Variants in TTC28 observed in about 807,000 individuals in gnomAD.
TTC28 encodes tetratricopeptide repeat protein 28.
In TTC28, 61 loss-of-function variants were observed where a neutral mutation model predicts 198.0. That is an observed-to-expected ratio of 0.31 (90% CI 0.25 to 0.38). TTC28 has a LOEUF of 0.38. Among genes scored for constraint, TTC28 ranks in the 10% least tolerant of loss-of-function variants. TTC28 has a pLI of 1.00. For synonymous variants in TTC28, 1,171 were observed against 1,297.8 expected (o/e 0.90, Z 2.10); for missense variants, 2,678 against 3,164.0 (o/e 0.85, Z 3.69).
At chr22:28,532,902 G>A (rs548348599) in intron 2 of TTC28, among the ~76,000 whole-genome samples, 4 of 152,114 alleles carry the variant, frequency 2.6e-5, no homozygotes, top group Middle Eastern at 3.2e-3. Flanking sequence ...TTGATGGGAC[G>A]TATCTCAAAA....
At chr22:28,221,812 C>A (rs920032202) in intron 5 of TTC28, among the ~76,000 whole-genome samples, 2 of 152,196 alleles carry the variant, frequency 1.3e-5, no homozygotes, top group Non-Finnish European at 2.9e-5. Flanking sequence ...GTCCAGACCT[C>A]TACTGTGGCA....
chr22:28,137,425 A>G lies in TTC28; in HGVS notation c.1441+25667T>C, dbSNP rs200995158. Among the ~76,000 whole-genome samples the G allele has an allele frequency of 2.6e-5, 4 of 152,136 alleles. No individual in the cohort carries two copies. In the East Asian group the frequency reaches 7.7e-4, roughly 29 times the overall value. ...TCTCGCTTCTCAGAAGCGTACAGGTAGCAGACCAGCAAGTTAACTACATAA... is the reference window on the plus strand; with the variant it reads ...TCTCGCTTCTCAGAAGCGTACAGGTGGCAGACCAGCAAGTTAACTACATAA... On this transcript the variant is annotated intron_variant, in intron 6 of 22. Coordinates refer to ENST00000397906, the MANE Select transcript of TTC28 (RefSeq NM_001145418.2).
chr22:28,310,201 G>T (rs915960329), intron 2 of TTC28, among the ~76,000 whole-genome samples: 2 of 150,440 alleles, frequency 1.3e-5, no homozygotes, highest in African/African-American at 4.9e-5. Context: ...CACCCTCAAG[G>T]TGCTCACAGT....
intron 12 of TTC28, among the ~76,000 whole-genome samples, chr22:28,079,122 G>A (rs1398799113): frequency 6.6e-6 from 1 of 152,178 alleles, no homozygotes. Flanking sequence ...ACACTTAAGT[G>A]TGTTTGGGGA....
chr22:28,017,518 C>A (rs771233289), intron 13 of TTC28, among the ~76,000 whole-genome samples: 2 of 151,820 alleles, frequency 1.3e-5, no homozygotes, highest in Admixed American at 6.5e-5. Context: ...CCTGCCTGGA[C>A]AAAGTGGAGG....
chr22:28,080,216 G>A (rs912356956), intron 12 of TTC28, among the ~76,000 whole-genome samples: 3 of 152,090 alleles, frequency 2.0e-5, no homozygotes, highest in Admixed American at 6.5e-5. Context: ...CCCAGAAATG[G>A]GATTGTTGCA....
intron 1 of TTC28, among the ~76,000 whole-genome samples, chr22:28,641,368 G>T (rs1194199235): frequency 6.6e-6 from 1 of 151,926 alleles, no homozygotes; most frequent in African/African-American, 2.4e-5. Context: ...TTACAACATG[G>T]ATGAACCTTA....
intron 2 of TTC28, among the ~76,000 whole-genome samples, chr22:28,405,390 A>C (rs2046984321): frequency 6.6e-6 from 1 of 152,212 alleles, no homozygotes; most frequent in Non-Finnish European, 1.5e-5. Context: ...GTGGAGACAA[A>C]AGGGTGGTCA....
At chr22:28,229,377 C>T (rs1351700120) in intron 5 of TTC28, among the ~76,000 whole-genome samples, 2 of 152,098 alleles carry the variant, frequency 1.3e-5, no homozygotes, top group Non-Finnish European at 2.9e-5. Context: ...TCAAGAACAT[C>T]CTTAACTTTC....
chr22:28,636,863 A>C (rs1010381403), intron 1 of TTC28, among the ~76,000 whole-genome samples: 4 of 151,962 alleles, frequency 2.6e-5, no homozygotes, highest in African/African-American at 9.7e-5. Flanking sequence ...TTTTGTGGAA[A>C]AATTTTTAGT....
intron 6 of TTC28, among the ~76,000 whole-genome samples, chr22:28,155,101 A>G (rs1200622579): frequency 6.6e-6 from 1 of 152,158 alleles, no homozygotes; most frequent in Non-Finnish European, 1.5e-5. Context: ...TTTTCTATGT[A>G]TCTCATAGAT....
rs1393829401 is a variant in TTC28 at position 27,982,559 on chromosome 22, G to C, written c.7108C>G (p.His2370Asp). 3 of 1,551,792 alleles carry C rather than the reference G, an allele frequency of 1.9e-6. No homozygotes were observed. The highest frequency in any genetic ancestry group is 4.9e-5 in the East Asian group (2 of 40,912). ...AAGATCTTCATTGGCCCTGTGGAATGCTGGGGTGTGCTCTGCCAGAACATC... is the reference window on the plus strand; with the variant it reads ...AAGATCTTCATTGGCCCTGTGGAATCCTGGGGTGTGCTCTGCCAGAACATC... ...LKMFWQSTPQHSTGPMKIFRG... is the reference protein window; with the variant it reads ...LKMFWQSTPQDSTGPMKIFRG... Residue 2370 changes from histidine to aspartate, a missense_variant, in exon 23 of 23, where the codon CAT (histidine) becomes GAT (aspartate). Transcript: ENST00000397906. This position sits in a 1 kb window ranked among gnomAD's most constrained non-coding sequence, Gnocchi z 5.2.
chr22:28,403,000 C>CAA (rs1234392930), intron 2 of TTC28, among the ~76,000 whole-genome samples: 1 of 152,248 alleles, frequency 6.6e-6, no homozygotes, highest in African/African-American at 2.4e-5. Flanking sequence ...GCCTATCTAA[C>CAA]TTCTATACAA....
chr22:28,419,427 T>C (rs2047215472), intron 2 of TTC28, among the ~76,000 whole-genome samples: 1 of 152,164 alleles, frequency 6.6e-6, no homozygotes, highest in East Asian at 1.9e-4. Context: ...AAATAAAACC[T>C]CTCCTATGTA....
At chr22:28,137,972 G>A (rs565539195) in intron 6 of TTC28, among the ~76,000 whole-genome samples, 5 of 152,176 alleles carry the variant, frequency 3.3e-5, no homozygotes, top group East Asian at 1.9e-4. Flanking sequence ...CCGAGATCGC[G>A]CCACTGCACT....
intron 2 of TTC28, among the ~76,000 whole-genome samples, chr22:28,356,927 G>A (rs528022893): frequency 3.3e-5 from 5 of 152,182 alleles, no homozygotes; most frequent in East Asian, 1.9e-4. Flanking sequence ...TTCTGAGCAT[G>A]AGACCCCATG....
intron 12 of TTC28, among the ~76,000 whole-genome samples, chr22:28,042,164 C>A (rs957550939): frequency 2.0e-5 from 3 of 152,114 alleles, no homozygotes; most frequent in Admixed American, 6.5e-5. Context: ...TTGTGGAAGA[C>A]AGTGTGGCGA....
chr22:28,184,258 T>C lies in TTC28; in HGVS notation c.934-20659A>G, dbSNP rs1259953544. On this transcript the variant is annotated intron_variant, in intron 5 of 22. Transcript: ENST00000397906. Reference sequence around the variant, plus strand: ...GATAGTAAATACCAATAAAACTGAGTACATTAAGCAATTTTAAAGTCATAT... The same window carrying C: ...GATAGTAAATACCAATAAAACTGAGCACATTAAGCAATTTTAAAGTCATAT... Among the ~76,000 whole-genome samples the C allele has an allele frequency of 2.0e-5, 3 of 152,306 alleles. No homozygotes were observed. The East Asian group carries it at 5.8e-4, about 29-fold the overall frequency.
intron 5 of TTC28, 103 bp from the exon 6 acceptor site, chr22:28,163,702 A>G (rs1601410046): frequency 7.8e-7 from 1 of 1,275,772 alleles, no homozygotes; most frequent in African/African-American, 1.5e-5. Context: ...CCGAATAGGA[A>G]CAGCTCTAGT....
Sources: allele counts gnomAD v4.1 joint callset (sites outside exome capture counted in the v4.1 genomes callset), GRCh38; gene constraint gnomAD v4.1.1; non-coding constraint Gnocchi (gnomAD v3.1); transcripts MANE v1.5; gene names NCBI Gene and HGNC (gene_info 2026-07-23, HGNC 2026-07-21).